The following RARB variants were observed in gnomAD, a reference collection of about 807,000 sequenced individuals.
The protein encoded by RARB is retinoic acid receptor beta, also known as HBV-activated protein.
Under a neutral mutation model 51.9 loss-of-function variants are expected in RARB, and 17 were observed. That is an observed-to-expected ratio of 0.33 (90% CI 0.22 to 0.49). The LOEUF is 0.49. Among genes scored for constraint, RARB ranks in the 20% least tolerant of loss-of-function variants. RARB has a pLI of 0.99. For synonymous variants in RARB, 215 were observed against 195.4 expected (o/e 1.10, Z -0.84); for missense variants, 369 against 550.8 (o/e 0.67, Z 3.30).
In RARB at chr3:25,138,106, A is replaced by G. The variant is rs115303681; in HGVS notation, c.-280+5898A>G. 3.6e-3 allele frequency among the ~76,000 whole-genome samples: 544 copies of G among 152,220 alleles called. 3 individuals are homozygous for G. The highest frequency in any genetic ancestry group is 0.012 in the African/African-American group (507 of 41,548). Reference sequence around the variant, plus strand: ...ACTTCAGATAATATATCTTGGGGTTACTGAGAATTTCGGTCTTCAGGGAGC... The same window carrying G: ...ACTTCAGATAATATATCTTGGGGTTGCTGAGAATTTCGGTCTTCAGGGAGC... On this transcript the variant is annotated intron_variant, in intron 4 of 11. Coordinates refer to the RARB transcript ENST00000383772.
intron 2 of RARB, among the ~76,000 whole-genome samples, chr3:24,909,469 G>A (rs1694942769): frequency 6.6e-6 from 1 of 152,074 alleles, no homozygotes; most frequent in Non-Finnish European, 1.5e-5. Flanking sequence ...AGAACAGAGT[G>A]TGCACACGAG....
chr3:25,470,131 CA>C (rs1211288497), intron 2 of RARB, among the ~76,000 whole-genome samples: 1 of 152,124 alleles, frequency 6.6e-6, no homozygotes, highest in Non-Finnish European at 1.5e-5. Context: ...GCTGGGTCTC[CA>C]TACCTGGTTT....
chr3:25,293,489 G>A lies in RARB; in HGVS notation c.178+118914G>A, dbSNP rs1046814228. Among the ~76,000 whole-genome samples the A allele has an allele frequency of 2.7e-5, 4 of 149,366 alleles. No homozygotes were observed. The Admixed American group carries it at 2.7e-4, about 10-fold the overall frequency. ...GCTATTGTATTGTTGACGATGGGAA[G>A]AATGCCTATTACCCAACATACAACA... is the stretch of plus-strand genomic sequence containing the variant. On this transcript the variant is annotated intron_variant, in intron 5 of 11. Coordinates refer to the RARB transcript ENST00000383772.
At chr3:25,274,035 G>T (rs369576105) in intron 5 of RARB, among the ~76,000 whole-genome samples, 1 of 152,084 alleles carries the variant, frequency 6.6e-6, no homozygotes, top group African/African-American at 2.4e-5. Flanking sequence ...TTTGCTTATG[G>T]CCTGGAAGTC....
intron 2 of RARB, among the ~76,000 whole-genome samples, chr3:24,890,848 T>TAA (rs113210748): frequency 3.3e-5 from 5 of 151,092 alleles, no homozygotes; most frequent in Admixed American, 6.6e-5. Flanking sequence ...TCTGGAGTAA[T>TAA]AAAAAAAAAT....
At chr3:25,139,838 T>G (rs1329659822) in intron 4 of RARB, among the ~76,000 whole-genome samples, 1 of 152,182 alleles carries the variant, frequency 6.6e-6, no homozygotes, top group African/African-American at 2.4e-5. Context: ...CTGATGACTT[T>G]AAGCCAATGC....
At chr3:25,015,794 C>T (rs1211814757) in intron 2 of RARB, among the ~76,000 whole-genome samples, 1 of 152,142 alleles carries the variant, frequency 6.6e-6, no homozygotes, top group Non-Finnish European at 1.5e-5. Flanking sequence ...CCAAGCATTT[C>T]AAGAAGTCAA....
chr3:25,439,661 G>A (rs1418392866), intron 1 of RARB, among the ~76,000 whole-genome samples: 2 of 152,202 alleles, frequency 1.3e-5, no homozygotes, highest in East Asian at 1.9e-4. Flanking sequence ...GCGTGTCAAA[G>A]TGCTGGAATT....
chr3:25,143,596 C>T (rs1194184734), intron 4 of RARB, among the ~76,000 whole-genome samples: 2 of 152,162 alleles, frequency 1.3e-5, no homozygotes, highest in Non-Finnish European at 2.9e-5. Flanking sequence ...GATGCCCACA[C>T]GGTGCCCTGG....
chr3:25,110,430 G>A (rs1313023069), intron 3 of RARB, among the ~76,000 whole-genome samples: 1 of 152,222 alleles, frequency 6.6e-6, no homozygotes, highest in Non-Finnish European at 1.5e-5. Flanking sequence ...TTAAGTGGAG[G>A]AGCCCAGGAC....
intron 3 of RARB, among the ~76,000 whole-genome samples, chr3:25,514,506 A>AT (rs1258835911): frequency 6.6e-6 from 1 of 151,694 alleles, no homozygotes; most frequent in Non-Finnish European, 1.5e-5. Context: ...TACCTCCATG[A>AT]TTAAAAAAAA....
chr3:25,196,036 G>T (rs1352104432), intron 5 of RARB, among the ~76,000 whole-genome samples: 1 of 151,702 alleles, frequency 6.6e-6, no homozygotes, highest in East Asian at 1.9e-4. Flanking sequence ...TGTATCTATA[G>T]GTTATCAAGT....
intron 4 of RARB, among the ~76,000 whole-genome samples, chr3:25,571,178 G>T (rs545791538): frequency 6.6e-6 from 1 of 152,346 alleles, no homozygotes; most frequent in East Asian, 1.9e-4. Flanking sequence ...ACCTTAAACA[G>T]ACAAGTCTCC....
chr3:25,513,114 C>CT (rs1697980159), intron 3 of RARB, among the ~76,000 whole-genome samples: 2 of 74,488 alleles, frequency 2.7e-5, no homozygotes, highest in Non-Finnish European at 4.7e-5. Flanking sequence ...CCTGTCTTTA[C>CT]TAAAAAAAAA....
At chr3:25,117,267 A>G (rs1397408545) in intron 3 of RARB, among the ~76,000 whole-genome samples, 1 of 152,214 alleles carries the variant, frequency 6.6e-6, no homozygotes, top group Non-Finnish European at 1.5e-5. Flanking sequence ...AAGGTGTGTA[A>G]CAGGAATATG....
At chr3:24,859,153 G>C (rs1306736904) in intron 2 of RARB, among the ~76,000 whole-genome samples, 2 of 151,646 alleles carry the variant, frequency 1.3e-5, no homozygotes, top group African/African-American at 2.4e-5. Context: ...GCTTACTCCA[G>C]TTAATCAGTT....
intron 5 of RARB, among the ~76,000 whole-genome samples, chr3:25,353,390 A>G (rs1705635909): frequency 6.6e-6 from 1 of 152,166 alleles, no homozygotes. Context: ...GAATGAGTGA[A>G]TCAATGACAA....
chr3:25,071,002 C>G (rs951549411), intron 3 of RARB, among the ~76,000 whole-genome samples: 7 of 152,216 alleles, frequency 4.6e-5, no homozygotes, highest in Admixed American at 2.0e-4. Flanking sequence ...ATTTACCAGA[C>G]TAGATCTACC....
At chr3:25,403,034 G>A (rs1707306796) in intron 5 of RARB, among the ~76,000 whole-genome samples, 3 of 151,798 alleles carry the variant, frequency 2.0e-5, no homozygotes, top group Admixed American at 2.0e-4. Context: ...ATGGTGGTGG[G>A]CGCCTGTAGT....
Sources: allele counts gnomAD v4.1 joint callset (sites outside exome capture counted in the v4.1 genomes callset), GRCh38; gene constraint gnomAD v4.1.1; transcripts MANE v1.5; gene names NCBI Gene and HGNC (gene_info 2026-07-23, HGNC 2026-07-21).